Variants in ARHGAP31 observed in about 807,000 individuals in gnomAD.
ARHGAP31 encodes Rho GTPase activating protein 31.
Under a neutral mutation model 113.9 loss-of-function variants are expected in ARHGAP31, and 34 were observed. The ratio of observed to expected loss-of-function variants is 0.30; its 90% CI spans 0.23 to 0.40. ARHGAP31 has a LOEUF of 0.40. Ranked by LOEUF, ARHGAP31 falls within the 10% of genes least tolerant of loss-of-function variation. The pLI is 1.00. For synonymous variants in ARHGAP31, 650 were observed against 684.8 expected, an observed-to-expected ratio of 0.95 and a Z score of 0.79; for missense variants, 1,548 against 1,767.1, an observed-to-expected ratio of 0.88 and a Z score of 2.22.
intron 1 of ARHGAP31, among the ~76,000 whole-genome samples, chr3:119,303,823 C>A (rs898964342): frequency 1.3e-5 from 2 of 151,512 alleles, no homozygotes; most frequent in African/African-American, 4.9e-5. Flanking sequence ...GAGATGGGGT[C>A]TCGCAGTGTC....
intron 1 of ARHGAP31, among the ~76,000 whole-genome samples, chr3:119,305,843 C>T (rs930867979): frequency 6.6e-6 from 1 of 152,212 alleles, no homozygotes; most frequent in African/African-American, 2.4e-5. Context: ...TGCATTAAAG[C>T]TGTAGCTGCC....
chr3:119,295,110 C>T, intron 1 of ARHGAP31, 106 bp downstream of exon 1: 5 of 1,037,524 alleles, frequency 4.8e-6, no homozygotes, highest in Non-Finnish European at 7.5e-6. Context: ...TAATGTATTC[C>T]AGGCCTGTGC....
intron 1 of ARHGAP31, among the ~76,000 whole-genome samples, chr3:119,330,482 CTTTG>C (rs959814225): frequency 2.8e-4 from 43 of 152,278 alleles, no homozygotes; most frequent in Admixed American, 4.6e-4. Context: ...CTCTCAGTGG[CTTTG>C]TTTGTTTTTA....
At chr3:119,372,658 G>A (rs2080308030) in intron 3 of ARHGAP31, among the ~76,000 whole-genome samples, 1 of 152,020 alleles carries the variant, frequency 6.6e-6, no homozygotes, top group African/African-American at 2.4e-5. Context: ...AAATATTAAT[G>A]GACTAATAAT....
At chr3:119,357,869 T>C (rs2080171681) in intron 1 of ARHGAP31, among the ~76,000 whole-genome samples, 1 of 152,260 alleles carries the variant, frequency 6.6e-6, no homozygotes, top group Non-Finnish European at 1.5e-5. Flanking sequence ...ACAGTTGCAT[T>C]ACTTATAACA....
chr3:119,340,629 C>A (rs1385221139), intron 1 of ARHGAP31, among the ~76,000 whole-genome samples: 1 of 152,178 alleles, frequency 6.6e-6, no homozygotes, highest in Admixed American at 6.5e-5. Context: ...AATGACAGTT[C>A]TTCCCTTACA....
At chr3:119,404,606 C>T (rs2080644424) in intron 10 of ARHGAP31, among the ~76,000 whole-genome samples, 1 of 152,052 alleles carries the variant, frequency 6.6e-6, no homozygotes, top group Non-Finnish European at 1.5e-5. Flanking sequence ...TAGCAGGGGG[C>T]AAAAGAAAAA....
At chr3:119,305,492 A>T (rs1011982160) in intron 1 of ARHGAP31, among the ~76,000 whole-genome samples, 2 of 152,008 alleles carry the variant, frequency 1.3e-5, no homozygotes, top group Non-Finnish European at 2.9e-5. Context: ...ATATAAATCT[A>T]CACCTCCCTG....
intron 10 of ARHGAP31, among the ~76,000 whole-genome samples, chr3:119,404,855 T>C (rs2080646368): frequency 6.6e-6 from 1 of 152,212 alleles, no homozygotes; most frequent in South Asian, 2.1e-4. Context: ...TTTTACCTGA[T>C]TCAAGAGCAT....
intron 1 of ARHGAP31, among the ~76,000 whole-genome samples, chr3:119,356,220 T>G (rs976547464): frequency 1.3e-5 from 2 of 152,240 alleles, no homozygotes; most frequent in African/African-American, 4.8e-5. Flanking sequence ...AGCTTCCAGT[T>G]TCTTTCCTGT....
chr3:119,401,092 A>AC (rs1398690648), intron 9 of ARHGAP31, among the ~76,000 whole-genome samples: 1 of 149,830 alleles, frequency 6.7e-6, no homozygotes, highest in African/African-American at 2.5e-5. Context: ...AATCACTTCA[A>AC]CCCGGGAGGT....
intron 1 of ARHGAP31, among the ~76,000 whole-genome samples, chr3:119,355,531 C>A (rs917558543): frequency 2.7e-5 from 4 of 150,606 alleles, no homozygotes; most frequent in South Asian, 2.1e-4. Context: ...TACATGTGCA[C>A]AACGTGCAGG....
At chr3:119,336,263 G>A (rs1270979470) in intron 1 of ARHGAP31, among the ~76,000 whole-genome samples, 1 of 152,130 alleles carries the variant, frequency 6.6e-6, no homozygotes, top group Non-Finnish European at 1.5e-5. Flanking sequence ...CATATGAAAT[G>A]GCTCTTGACT....
intron 3 of ARHGAP31, among the ~76,000 whole-genome samples, chr3:119,372,790 C>T (rs2080313168): frequency 1.3e-5 from 2 of 152,092 alleles, no homozygotes; most frequent in African/African-American, 4.8e-5. Flanking sequence ...CTCTGTTATA[C>T]AGATCATTAA....
chr3:119,329,839 T>C, intron 1 of ARHGAP31: 1 of 985,486 alleles, frequency 1.0e-6, no homozygotes, highest in African/African-American at 1.7e-5. Flanking sequence ...CTGTCCGCAC[T>C]GTCCCCACCA....
intron 1 of ARHGAP31, among the ~76,000 whole-genome samples, chr3:119,364,636 G>T (rs867378396): frequency 6.6e-6 from 1 of 152,184 alleles, no homozygotes; most frequent in Non-Finnish European, 1.5e-5. Context: ...TGGGAGTGGG[G>T]CCTGAAGATT....
intron 8 of ARHGAP31, 148 bp downstream of exon 8, chr3:119,393,739 AT>A: frequency 2.5e-6 from 3 of 1,190,896 alleles, no homozygotes; most frequent in Non-Finnish European, 3.5e-6. Context: ...TTTTCAAAAC[AT>A]TTTAGACTTA....
At chr3:119,344,545 T>C (rs947612695) in intron 1 of ARHGAP31, among the ~76,000 whole-genome samples, 1 of 152,220 alleles carries the variant, frequency 6.6e-6, no homozygotes, top group African/African-American at 2.4e-5. Context: ...GTAATCACAA[T>C]TAAAATAACA....
rs375426216 is a variant in ARHGAP31 at position 119,414,984 on chromosome 3, C to T, written c.3055C>T (p.Pro1019Ser). 12 of 1,614,054 alleles carry T rather than the reference C, an allele frequency of 7.4e-6. No individual in the cohort carries two copies. The highest frequency in any genetic ancestry group is 1.0e-5 in the Non-Finnish European group (12 of 1,180,030). ...CTCTGGCCTGAAAGGGGCAGAGGCT[C>T]CTCCCAACCAGAAGGGACCAAGTGG... ...EFSGLKGAEA[P>S]PNQKGPSGVQ... The change falls in exon 12 of 12, where the codon CCT (proline) becomes TCT (serine). Residue 1019 changes from proline to serine, a missense_variant. Pro to Ser is a moderately conservative substitution (Grantham distance 74). Coordinates refer to ENST00000264245, the MANE Select transcript of ARHGAP31 (RefSeq NM_020754.4).
Sources: allele counts gnomAD v4.1 joint callset (sites outside exome capture counted in the v4.1 genomes callset), GRCh38; gene constraint gnomAD v4.1.1; transcripts MANE v1.5; gene names NCBI Gene and HGNC (gene_info 2026-07-23, HGNC 2026-07-21).